Variants in PPP1R7 observed in about 807,000 individuals in gnomAD.
PPP1R7 encodes protein phosphatase 1 regulatory subunit 22.
PPP1R7 carries 18 observed loss-of-function variants against 45.2 expected under a neutral mutation model. That is an observed-to-expected ratio of 0.40 (90% confidence interval 0.28 to 0.59). The LOEUF is 0.59. PPP1R7 is among the 20% of genes least tolerant of loss of function. The probability of loss-of-function intolerance (pLI) is 0.46; values close to 1 mark genes in which losing one functional copy is unlikely to be tolerated. For synonymous variants in PPP1R7, 181 were observed against 183.4 expected, an observed-to-expected ratio of 0.99 and a Z score of 0.11; for missense variants, 314 against 455.8, an observed-to-expected ratio of 0.69 and a Z score of 2.83.
chr2:241,159,391 G>T, intron 5 of PPP1R7, 48 bp downstream of exon 5: 3 of 1,601,072 alleles, frequency 1.9e-6, no homozygotes, highest in Non-Finnish European at 2.6e-6. Flanking sequence ...AAGGCCACTG[G>T]GTGGGGGGTG....
chr2:241,173,689 T>C (rs12053221), intron 9 of PPP1R7, among the ~76,000 whole-genome samples: 10,369 of 152,272 alleles, frequency 0.068, 999 homozygotes, highest in East Asian at 0.47. Context: ...GAAAACCCAG[T>C]TATGCATGTT....
chr2:241,166,981 T>C, intron 8 of PPP1R7: 1 of 1,462,982 alleles, frequency 6.8e-7, no homozygotes, highest in Non-Finnish European at 9.5e-7. Flanking sequence ...CCTCCCTGCC[T>C]GCTTTCCACA....
At chr2:241,155,499 C>G (rs1318447001) in intron 2 of PPP1R7, among the ~76,000 whole-genome samples, 1 of 152,188 alleles carries the variant, frequency 6.6e-6, no homozygotes, top group African/African-American at 2.4e-5. Flanking sequence ...TCAATTAAAA[C>G]AAATTTAATC....
In PPP1R7 at chr2:241,182,948, G is replaced by T. The variant is rs2149075531; in HGVS notation, c.*125G>T. 1 of 1,152,786 alleles carries T rather than the reference G, an allele frequency of 8.7e-7. No homozygotes were observed. Among genetic ancestry groups the T allele is most frequent in the Non-Finnish European group, 1.2e-6 (1 of 831,386 alleles). The allele number at this position is 1,152,786 out of a possible 1,614,324, so 71.4% of individuals were successfully genotyped here. A position where few individuals can be genotyped will look rare whatever the true frequency, so the allele number is the denominator to read the frequency against. ...AGTCACAAACCCAATGGCAATAAAG[G>T]CACTGACGATAGCTGGCGCGCGCGA... On this transcript the variant is annotated 3_prime_UTR_variant, in exon 10 of 10. Coordinates refer to ENST00000234038, the MANE Select transcript of PPP1R7 (RefSeq NM_002712.3).
At chr2:241,169,216 G>A (rs142020240) in intron 8 of PPP1R7, among the ~76,000 whole-genome samples, 148 of 152,234 alleles carry the variant, frequency 9.7e-4, no homozygotes, top group African/African-American at 3.1e-3. Context: ...TTATGCTCCC[G>A]GGACCCTTTT....
At chr2:241,152,887 A>C (rs539675367) in intron 1 of PPP1R7, among the ~76,000 whole-genome samples, 1 of 152,344 alleles carries the variant, frequency 6.6e-6, no homozygotes, top group Admixed American at 6.5e-5. Flanking sequence ...CACTCTGTCC[A>C]GTGTCCAGTG....
chr2:241,155,694 G>A (rs1220524368), intron 2 of PPP1R7, among the ~76,000 whole-genome samples: 7 of 152,172 alleles, frequency 4.6e-5, no homozygotes, highest in Non-Finnish European at 8.8e-5. Context: ...CCATGCGACC[G>A]TGTGTCCTGA....
intron 2 of PPP1R7, 57 bp downstream of exon 2, chr2:241,153,661 G>A: frequency 6.3e-7 from 1 of 1,592,430 alleles, no homozygotes; most frequent in Non-Finnish European, 8.6e-7. Context: ...GGGCTGTGCT[G>A]CACGTGGTCT....
intron 7 of PPP1R7, among the ~76,000 whole-genome samples, chr2:241,163,934 A>G (rs953287319): frequency 2.7e-5 from 4 of 150,218 alleles, no homozygotes; most frequent in African/African-American, 9.8e-5. Context: ...TTTTTAAGAG[A>G]CAAGGTCTCA....
rs774211364 is a variant in PPP1R7, at chr2:241,180,699, A to G, written c.907-1948A>G. On this transcript the variant is annotated intron_variant, in intron 9 of 9. Coordinates refer to ENST00000234038, the MANE Select transcript of PPP1R7 (RefSeq NM_002712.3). ...ACAACCAGCGGGGCGGTGCGAGTGT[A>G]GTAACAGAGTAGCATTTAAGAAGGT... Among the ~76,000 whole-genome samples, 8 of 142,870 alleles carry G rather than the reference A, an allele frequency of 5.6e-5. No individual in the cohort carries two copies. The South Asian group carries it at 6.2e-4, about 11-fold the overall frequency. The allele number at this position is 142,870 out of a possible 152,430, so 93.7% of individuals were successfully genotyped here. A position where few individuals can be genotyped will look rare whatever the true frequency, so the allele number is the denominator to read the frequency against.
chr2:241,151,628 C>T (rs908128405), intron 1 of PPP1R7: 2 of 457,752 alleles, frequency 4.4e-6, no homozygotes, highest in Admixed American at 2.4e-5. Flanking sequence ...GACTTCATAC[C>T]CTTTGAGTCT....
intron 2 of PPP1R7, among the ~76,000 whole-genome samples, chr2:241,156,369 G>T (rs1268260016): frequency 6.6e-6 from 1 of 152,236 alleles, no homozygotes; most frequent in Non-Finnish European, 1.5e-5. Flanking sequence ...GGGGAAAAAA[G>T]AAATTTAAGA....
intron 9 of PPP1R7, 51 bp downstream of exon 9, chr2:241,169,918 A>C: frequency 4.0e-5 from 55 of 1,378,362 alleles, no homozygotes; most frequent in Non-Finnish European, 5.1e-5. Context: ...AACTGGTCTC[A>C]CTGATTAAAA....
At chr2:241,156,142 T>G (rs890792598) in intron 2 of PPP1R7, among the ~76,000 whole-genome samples, 12 of 152,124 alleles carry the variant, frequency 7.9e-5, no homozygotes, top group Non-Finnish European at 1.3e-4. Context: ...GCCCTTGGCA[T>G]GGGGTCCAGG....
At chr2:241,158,413 G>T in intron 3 of PPP1R7, 71 bp from the exon 4 acceptor site, 1 of 1,485,134 alleles carries the variant, frequency 6.7e-7, no homozygotes, top group Non-Finnish European at 9.4e-7. Context: ...CTTCCAGGCC[G>T]CCTCTTCTAG....
chr2:241,158,018 T>G (rs545471145), intron 3 of PPP1R7, among the ~76,000 whole-genome samples, 156 bp downstream of exon 3: 1 of 152,298 alleles, frequency 6.6e-6, no homozygotes, highest in South Asian at 2.1e-4. Flanking sequence ...TACCAGTGAT[T>G]GTTATCCCCA....
intron 9 of PPP1R7, among the ~76,000 whole-genome samples, chr2:241,180,242 C>G (rs1354966037): frequency 6.6e-6 from 1 of 152,136 alleles, no homozygotes; most frequent in African/African-American, 2.4e-5. Context: ...TTGCTACTTT[C>G]ATTAAATGAA....
chr2:241,160,498 G>A lies in PPP1R7; in HGVS notation c.597+4G>A, dbSNP rs1181993861. ...GCTGGGATCTAACCGCATCCGGGTA[G>A]GTGCAGACAGCCCTGACTAGTATAT... On this transcript the variant is annotated splice_donor_region_variant and intron_variant, in intron 6 of 9. Coordinates refer to ENST00000234038, the MANE Select transcript of PPP1R7 (RefSeq NM_002712.3). 6.3e-7 allele frequency: 1 copy of A among 1,596,834 alleles called. No homozygotes were observed. The highest frequency in any genetic ancestry group is 2.2e-5 in the East Asian group (1 of 44,602).
chr2:241,150,240 C>T, upstream of PPP1R7: 1 of 1,286,978 alleles, frequency 7.8e-7, no homozygotes, highest in Non-Finnish European at 9.8e-7. Flanking sequence ...GCTTCGACTC[C>T]CTCTGCTTTC....
Sources: allele counts gnomAD v4.1 joint callset (sites outside exome capture counted in the v4.1 genomes callset), GRCh38; gene constraint gnomAD v4.1.1; transcripts MANE v1.5; gene names NCBI Gene and HGNC (gene_info 2026-07-23, HGNC 2026-07-21).